DTNA: variants seen among roughly 807,000 people sequenced by gnomAD.
DTNA encodes the protein dystrobrevin alpha.
Under a neutral mutation model 100.7 loss-of-function variants are expected in DTNA, and 43 were observed. That is an observed-to-expected ratio of 0.43 (90% CI 0.33 to 0.55). The LOEUF (loss-of-function observed/expected upper bound fraction) is 0.55. Among genes scored for constraint, DTNA ranks in the 20% least tolerant of loss-of-function variants. The pLI is 0.04. For synonymous variants in DTNA, 349 were observed against 347.9 expected, an observed-to-expected ratio of 1.00 and a Z score of -0.04; for missense variants, 798 against 953.9, an observed-to-expected ratio of 0.84 and a Z score of 2.15.
At chr18:34,587,573 T>G (rs2049270131) in intron 1 of DTNA, among the ~76,000 whole-genome samples, 1 of 152,284 alleles carries the variant, frequency 6.6e-6, no homozygotes, top group East Asian at 1.9e-4. Context: ...TGTTCTGAAC[T>G]TAAATGCATA....
chr18:34,865,754 A>G (rs1378708898), intron 17 of DTNA, among the ~76,000 whole-genome samples: 3 of 152,074 alleles, frequency 2.0e-5, no homozygotes, highest in Non-Finnish European at 4.4e-5. Flanking sequence ...CTATGTTTCT[A>G]TTGCTTCTGT....
At chr18:34,630,996 A>G (rs1444592484) in intron 1 of DTNA, among the ~76,000 whole-genome samples, 1 of 152,178 alleles carries the variant, frequency 6.6e-6, no homozygotes, top group Non-Finnish European at 1.5e-5. Flanking sequence ...CATCATAGGC[A>G]TGGCTAGGAG....
chr18:34,568,691 T>G (rs2047305054), intron 1 of DTNA, among the ~76,000 whole-genome samples: 1 of 152,212 alleles, frequency 6.6e-6, no homozygotes, highest in African/African-American at 2.4e-5. Context: ...TGGCACGATC[T>G]TGGCTCATTG....
At chr18:34,501,390 A>C (rs1423518646) in intron 1 of DTNA, among the ~76,000 whole-genome samples, 1 of 152,210 alleles carries the variant, frequency 6.6e-6, no homozygotes, top group East Asian at 1.9e-4. Flanking sequence ...AGATTTTTAC[A>C]TCTATATTCA....
Position 34,890,553 on chromosome 18 carries a change from A to G in DTNA, c.*2819A>G. On this transcript the variant is annotated 3_prime_UTR_variant, in exon 23 of 23. Transcript: ENST00000444659. Reference sequence around the variant, plus strand: ...TGCACATCCATCTCCATCAGAGCTGATAGCCTGTTAATAAGCACTGGTCTA... The same window carrying G: ...TGCACATCCATCTCCATCAGAGCTGGTAGCCTGTTAATAAGCACTGGTCTA... The G allele has an allele frequency of 3.4e-6, 5 of 1,465,024 alleles. No homozygotes were observed. 90.8% of individuals were successfully genotyped at this position (1,465,024 alleles called of 1,614,324 possible). A position where few individuals can be genotyped will look rare whatever the true frequency, so the allele number is the denominator to read the frequency against.
intron 1 of DTNA, among the ~76,000 whole-genome samples, chr18:34,750,111 G>T (rs11874470): frequency 0.077 from 11,650 of 152,248 alleles, 506 homozygotes; most frequent in African/African-American, 0.099. Context: ...ATAAAGCATG[G>T]TAATGCTGTC....
At position 34,868,444 on chromosome 18, in the gene DTNA, TA is replaced by T. The variant is rs2096731102; in HGVS notation, c.1743+4386del. ...CTGTCCAAATATAGACTTCTCATGG[TA>T]AAACATGATCTAAGGAGAGAATTTA... On this transcript the variant is annotated intron_variant, in intron 17 of 22. Coordinates refer to ENST00000444659, the MANE Select transcript of DTNA (RefSeq NM_001386795.1). 6.1e-6 allele frequency: 6 copies of T among 980,516 alleles called. 1 individual carries two copies. The South Asian group carries it at 2.8e-4, about 46-fold the overall frequency. The allele number at this position is 980,516 out of a possible 1,614,324, so 60.7% of individuals were successfully genotyped here.
chr18:34,765,645 C>G (rs1447886534), intron 2 of DTNA, among the ~76,000 whole-genome samples: 4 of 152,152 alleles, frequency 2.6e-5, no homozygotes, highest in Non-Finnish European at 5.9e-5. Flanking sequence ...CGCTGTTTCA[C>G]TGTAGGTCAC....
At chr18:34,824,439 G>A (rs533467723) in intron 9 of DTNA, among the ~76,000 whole-genome samples, 43 of 151,110 alleles carry the variant, frequency 2.8e-4, no homozygotes, top group South Asian at 1.7e-3. Flanking sequence ...TCGCGCCACC[G>A]CACTCCAGCC....
chr18:34,648,214 A>G (rs1017729493), intron 1 of DTNA, among the ~76,000 whole-genome samples: 1 of 152,232 alleles, frequency 6.6e-6, no homozygotes, highest in Non-Finnish European at 1.5e-5. Context: ...GGCTAAAAAA[A>G]TAGGCAAGGG....
Position 34,794,168 on chromosome 18 carries a change from A to G in DTNA, c.280A>G (p.Lys94Glu), listed in dbSNP as rs764018132. Reference sequence around the variant, plus strand: ...CTCCACTATTTTTTACCAGCTCAACAAACGGATGCCAACCACTCACCAAAT... The same window carrying G: ...CTCCACTATTTTTTACCAGCTCAACGAACGGATGCCAACCACTCACCAAAT... The part of the protein sequence containing the change: ...VLSTIFYQLN[K>E]RMPTTHQIHV... The change falls in exon 4 of 23, where the codon AAA becomes GAA. Residue 94 changes from lysine to glutamate, a missense_variant. Around this residue, in one of 6 missense-constraint regions of DTNA, gnomAD observed 197 missense variants for 215.4 expected, o/e 0.91. Transcript: ENST00000444659. 6.2e-7 allele frequency: 1 copy of G among 1,614,154 alleles called. No homozygotes were observed. The highest frequency in any genetic ancestry group is 8.5e-7 in the Non-Finnish European group (1 of 1,180,010).
chr18:34,568,404 C>A (rs141992842), intron 1 of DTNA, among the ~76,000 whole-genome samples: 2 of 152,056 alleles, frequency 1.3e-5, no homozygotes, highest in Non-Finnish European at 2.9e-5. Context: ...TCTTAGGTAA[C>A]GTGAGTTCCT....
At chr18:34,495,446 C>G (rs574736009) in intron 1 of DTNA, among the ~76,000 whole-genome samples, 1 of 152,212 alleles carries the variant, frequency 6.6e-6, no homozygotes, top group African/African-American at 2.4e-5. Context: ...ATGGCTAAAG[C>G]TATATGTTTG....
At chr18:34,500,291 AT>A (rs1401722174) in intron 1 of DTNA, among the ~76,000 whole-genome samples, 1 of 151,822 alleles carries the variant, frequency 6.6e-6, no homozygotes, top group Non-Finnish European at 1.5e-5. Context: ...CATATGAATA[AT>A]TTTTAAGCAA....
At chr18:34,749,611 T>TA (rs1342555465) in intron 1 of DTNA, among the ~76,000 whole-genome samples, 1 of 149,352 alleles carries the variant, frequency 6.7e-6, no homozygotes, top group Non-Finnish European at 1.5e-5. Context: ...GTCGCTACAC[T>TA]AAAGTAGTGA....
At chr18:34,524,321 A>G (rs1404825709) in intron 1 of DTNA, among the ~76,000 whole-genome samples, 1 of 152,210 alleles carries the variant, frequency 6.6e-6, no homozygotes, top group Non-Finnish European at 1.5e-5. Flanking sequence ...TTATTTTCCA[A>G]CTGGAAATGC....
chr18:34,890,679 G>A lies in DTNA; in HGVS notation c.*2945G>A, dbSNP rs1309485257. On this transcript the variant is annotated 3_prime_UTR_variant, in exon 23 of 23. Coordinates refer to ENST00000444659, the MANE Select transcript of DTNA (RefSeq NM_001386795.1). Reference sequence around the variant, plus strand: ...GGAAACAGTTGTGGTTGGTCAGGACGGAAGTTGGGGTAAGTTTGGTTGGTC... The same window carrying A: ...GGAAACAGTTGTGGTTGGTCAGGACAGAAGTTGGGGTAAGTTTGGTTGGTC... The A allele has an allele frequency of 1.2e-5, 8 of 655,254 alleles. No individual in the cohort carries two copies. Among genetic ancestry groups the A allele is most frequent in the South Asian group, 2.3e-5 (1 of 43,110 alleles). 40.6% of individuals were successfully genotyped at this position (655,254 alleles called of 1,614,324 possible).
At chr18:34,815,836 G>A (rs1316611416) in intron 6 of DTNA, 73 bp from the exon 7 acceptor site, 3 of 1,275,484 alleles carry the variant, frequency 2.4e-6, no homozygotes, top group East Asian at 2.3e-5. Context: ...AGTCTCAAAT[G>A]ATATGATATT....
chr18:34,731,362 C>T (rs1271064275), intron 1 of DTNA, among the ~76,000 whole-genome samples: 2 of 151,912 alleles, frequency 1.3e-5, no homozygotes, highest in African/African-American at 4.8e-5. Context: ...GCCTGTAGTC[C>T]CAGCTACTCG....
Sources: gnomAD v4.1 joint callset for allele counts (sites outside exome capture counted in the v4.1 genomes callset) on GRCh38, gnomAD v4.1.1 for gene constraint, gnomAD v4.1.1 regional missense constraint, MANE v1.5 for transcripts, NCBI Gene and HGNC (gene_info 2026-07-23, HGNC 2026-07-21) for gene names.